MARK3: variants seen among roughly 807,000 people sequenced by gnomAD.
The protein encoded by MARK3 is microtubule affinity regulating kinase 3.
Under a neutral mutation model 90.1 loss-of-function variants are expected in MARK3, and 46 were observed. That is an observed-to-expected ratio of 0.51 (90% CI 0.40 to 0.65). MARK3 has a LOEUF of 0.65. Ranked by LOEUF, MARK3 falls within the 30% of genes least tolerant of loss-of-function variation. The pLI, the probability that MARK3 is intolerant of heterozygous loss-of-function variation, is 0.00. For missense variants in MARK3, 818 were observed against 947.2 expected, an observed-to-expected ratio of 0.86 and a Z score of 1.79; for synonymous variants, 321 against 332.6, an observed-to-expected ratio of 0.97 and a Z score of 0.38.
intron 2 of MARK3, among the ~76,000 whole-genome samples, chr14:103,407,763 G>T (rs2140748327): frequency 6.6e-6 from 1 of 151,986 alleles, no homozygotes; most frequent in South Asian, 2.1e-4. Flanking sequence ...GTTTCACCAT[G>T]TTGGCCAGGA....
chr14:103,491,654 T>C, intron 14 of MARK3, 123 bp from the exon 15 acceptor site: 1 of 1,048,536 alleles, frequency 9.5e-7, no homozygotes, highest in Non-Finnish European at 1.4e-6. Flanking sequence ...CTAAGTCCTA[T>C]AAAATACCCC....
chr14:103,492,024 C>G lies in MARK3; in HGVS notation c.1834C>G (p.Leu612Val), dbSNP rs1032836436. Residue 612 changes from leucine to valine, a missense_variant, in exon 15 of 18, where the codon CTC (leucine) becomes GTC (valine). Physicochemically the swap from Leu to Val is conservative, Grantham distance 32. Transcript: ENST00000429436. ...TNLFSKLTSKLTRRNMSFRFI... is the reference protein window; with the variant it reads ...TNLFSKLTSKVTRRNMSFRFI... ...TCTCTTTAGTAAATTAACTTCAAAA[C>G]TCACAAGGAGGTAAGTGCTAGGTGC... The G allele has an allele frequency of 2.5e-6, 4 of 1,614,136 alleles. No homozygotes were observed. The highest frequency in any genetic ancestry group is 3.4e-6 in the Non-Finnish European group (4 of 1,180,006).
At chr14:103,409,906 G>A (rs1297032460) in intron 2 of MARK3, among the ~76,000 whole-genome samples, 1 of 152,172 alleles carries the variant, frequency 6.6e-6, no homozygotes, top group Non-Finnish European at 1.5e-5. Flanking sequence ...AGCATTGCGT[G>A]TCCTTGTTAA....
At chr14:103,461,993 G>A (rs1460467955) in intron 6 of MARK3, among the ~76,000 whole-genome samples, 7 of 149,394 alleles carry the variant, frequency 4.7e-5, no homozygotes, top group Non-Finnish European at 8.8e-5. Context: ...CCAAGATCAT[G>A]CCATTGCACT....
intron 14 of MARK3, 21 bp downstream of exon 14, chr14:103,480,511 G>A: frequency 6.8e-7 from 1 of 1,480,524 alleles, no homozygotes; most frequent in South Asian, 1.2e-5. Context: ...CTACCTGTTT[G>A]TAAGAAAAGT....
chr14:103,479,175 C>T (rs945947684), intron 13 of MARK3, among the ~76,000 whole-genome samples: 3 of 151,974 alleles, frequency 2.0e-5, no homozygotes, highest in African/African-American at 7.3e-5. Flanking sequence ...CATGCATCAC[C>T]ATGCCTGGCT....
intron 12 of MARK3, among the ~76,000 whole-genome samples, chr14:103,472,967 C>T (rs1393785592): frequency 6.6e-6 from 1 of 151,294 alleles, no homozygotes; most frequent in Non-Finnish European, 1.5e-5. Flanking sequence ...GATTGAGCCA[C>T]TGCACTCCAC....
chr14:103,444,050 T>C (rs1265515599), intron 3 of MARK3, among the ~76,000 whole-genome samples: 1 of 151,498 alleles, frequency 6.6e-6, no homozygotes, highest in East Asian at 1.9e-4. Context: ...CTCTTTTACA[T>C]ACTCATTTTA....
rs571611660 is a variant in MARK3, at chr14:103,460,073, C to CTTTTTTTTTTTTTTTTTTTTTTTTTT, written c.484-2326_484-2301dup. On this transcript the variant is annotated intron_variant, in intron 6 of 17. Coordinates refer to ENST00000429436, the MANE Select transcript of MARK3 (RefSeq NM_001128918.3). Reference sequence around the variant, plus strand: ...AAAAAGAATAGATTTCCAGCTCCATCTTTTTTTTTTTTTTTTTTTTTTTTT... The same window carrying CTTTTTTTTTTTTTTTTTTTTTTTTTT: ...AAAAAGAATAGATTTCCAGCTCCATCTTTTTTTTTTTTTTTTTTTTTTTTTTTTTTTTTTTTTTTTTTTTTTTTTTT... Among the ~76,000 whole-genome samples the CTTTTTTTTTTTTTTTTTTTTTTTTTT allele has an allele frequency of 2.2e-4, 9 of 41,720 alleles. 3 individuals carry two copies. The highest frequency in any genetic ancestry group is 4.1e-4 in the African/African-American group (4 of 9,696). 27.4% of individuals were successfully genotyped at this position (41,720 alleles called of 152,430 possible).
At chr14:103,398,250 C>T (rs1236937053) in intron 1 of MARK3, among the ~76,000 whole-genome samples, 1 of 152,136 alleles carries the variant, frequency 6.6e-6, no homozygotes, top group Admixed American at 6.6e-5. Flanking sequence ...TGATGGGTCA[C>T]AGGAAATGTC....
At chr14:103,431,240 C>T (rs776139159) in intron 3 of MARK3, among the ~76,000 whole-genome samples, 7 of 152,056 alleles carry the variant, frequency 4.6e-5, no homozygotes, top group African/African-American at 9.7e-5. Flanking sequence ...TACAGGTGTA[C>T]GCCACCACAC....
intron 1 of MARK3, among the ~76,000 whole-genome samples, chr14:103,389,363 C>CA (rs574837222): frequency 0.28 from 36,046 of 129,868 alleles, 5,651 homozygotes; most frequent in Middle Eastern, 0.43. Context: ...GACTCCATCT[C>CA]AAAAAAAAAA....
chr14:103,419,921 G>T (rs1450174118), intron 2 of MARK3, among the ~76,000 whole-genome samples: 2 of 152,138 alleles, frequency 1.3e-5, no homozygotes, highest in South Asian at 4.1e-4. Flanking sequence ...TCAGTGGGAT[G>T]GGGATTGGGA....
At chr14:103,477,750 C>G (rs1428658734) in intron 13 of MARK3, among the ~76,000 whole-genome samples, 4 of 152,076 alleles carry the variant, frequency 2.6e-5, no homozygotes, top group African/African-American at 9.7e-5. Context: ...CTTTGGGAGG[C>G]TGAGGTGGGA....
intron 17 of MARK3, among the ~76,000 whole-genome samples, chr14:103,501,493 C>T (rs966159846): frequency 1.3e-5 from 2 of 152,244 alleles, no homozygotes; most frequent in Non-Finnish European, 2.9e-5. Context: ...GCCACAGACA[C>T]ATCCTGTACT....
In MARK3 at chr14:103,405,984, G is replaced by T. The variant is rs376826303; in HGVS notation, c.243+717G>T. On this transcript the variant is annotated intron_variant, in intron 2 of 17. Transcript: ENST00000429436. ...TGGCTCACTATAGCCTCAACCTCCT[G>T]GGGTCAGGCAGTTCTCCCACCTCAG... 6.9e-4 allele frequency among the ~76,000 whole-genome samples: 105 copies of T among 152,082 alleles called. 1 individual carries two copies. In the East Asian group the frequency reaches 0.013, roughly 19 times the overall value.
intron 1 of MARK3, among the ~76,000 whole-genome samples, chr14:103,397,603 G>A (rs1414972815): frequency 2.0e-5 from 3 of 152,134 alleles, no homozygotes; most frequent in African/African-American, 4.8e-5. Context: ...GGGATTACAG[G>A]CGTGAGCTAC....
At chr14:103,396,144 G>T (rs993377330) in intron 1 of MARK3, among the ~76,000 whole-genome samples, 1 of 127,084 alleles carries the variant, frequency 7.9e-6, no homozygotes, top group Non-Finnish European at 1.6e-5. Flanking sequence ...AGAACCTCCA[G>T]TTTTTTGCCT....
intron 11 of MARK3, 38 bp downstream of exon 11, chr14:103,467,229 T>C: frequency 1.1e-6 from 1 of 902,738 alleles, no homozygotes; most frequent in Non-Finnish European, 1.7e-6. Flanking sequence ...ACCCTGTATG[T>C]AATTATTAGT....
Sources: gnomAD v4.1 joint callset for allele counts (sites outside exome capture counted in the v4.1 genomes callset) on GRCh38, gnomAD v4.1.1 for gene constraint, MANE v1.5 for transcripts, NCBI Gene and HGNC (gene_info 2026-07-23, HGNC 2026-07-21) for gene names.